CSMD2: variants seen among roughly 807,000 people sequenced by gnomAD.
CSMD2 encodes CUB and Sushi multiple domains 2, also known as CUB and sushi domain-containing protein 2.
Under a neutral mutation model 398.5 loss-of-function variants are expected in CSMD2, and 130 were observed. That is an observed-to-expected ratio of 0.33 (90% CI 0.28 to 0.38). The LOEUF (loss-of-function observed/expected upper bound fraction) is 0.38, where lower values mean the gene tolerates loss of function less well. Among genes scored for constraint, CSMD2 ranks in the 10% least tolerant of loss-of-function variants. The pLI, the probability that CSMD2 is intolerant of heterozygous loss-of-function variation, is 1.00. For synonymous variants in CSMD2, 1,828 were observed against 1,908.5 expected (o/e 0.96, Z 1.10); for missense variants, 3,829 against 4,764.9 (o/e 0.80, Z 5.78).
chr1:33,741,447 C>T (rs1307265193), intron 14 of CSMD2, among the ~76,000 whole-genome samples: 1 of 152,100 alleles, frequency 6.6e-6, no homozygotes, highest in South Asian at 2.1e-4. Context: ...GGGCCCCATC[C>T]CTTTAGTGAT....
At chr1:33,938,553 C>G (rs974732360) in intron 3 of CSMD2, among the ~76,000 whole-genome samples, 5 of 151,584 alleles carry the variant, frequency 3.3e-5, no homozygotes, top group African/African-American at 9.7e-5. Context: ...CTTAGCATTT[C>G]CCATGATCCC....
At chr1:33,954,634 C>T (rs1030317038) in intron 3 of CSMD2, among the ~76,000 whole-genome samples, 4 of 152,154 alleles carry the variant, frequency 2.6e-5, no homozygotes, top group East Asian at 1.9e-4. Flanking sequence ...TGACAAAAGA[C>T]GGGAATTCTG....
chr1:33,825,001 G>A (rs757417390), intron 7 of CSMD2, among the ~76,000 whole-genome samples: 4 of 152,144 alleles, frequency 2.6e-5, no homozygotes, highest in Non-Finnish European at 4.4e-5. Context: ...CTGGGCTTCA[G>A]CTCAAAAGCC....
intron 1 of CSMD2, among the ~76,000 whole-genome samples, chr1:34,092,356 A>G (rs1658669160): frequency 1.3e-5 from 2 of 152,246 alleles, no homozygotes; most frequent in African/African-American, 2.4e-5. Flanking sequence ...TAAGTTTGGT[A>G]AAATGATACC....
At chr1:33,929,432 CTTTTT>C (rs936900076) in intron 4 of CSMD2, among the ~76,000 whole-genome samples, 1,542 of 100,624 alleles carry the variant, frequency 0.015, 43 homozygotes, top group African/African-American at 0.065. Context: ...CAAGCCTATA[CTTTTT>C]TTTTTTTTTT....
At chr1:33,888,788 G>GTTGTTGTT (rs1228902880) in intron 5 of CSMD2, among the ~76,000 whole-genome samples, 706 of 53,690 alleles carry the variant, frequency 0.013, 4 homozygotes, top group Middle Eastern at 0.024. Context: ...TTGTTGTTGA[G>GTTGTTGTT]ATGGAGTCTC....
At position 33,835,862 on chromosome 1, in the gene CSMD2, T is replaced by C. The variant is rs184480959; in HGVS notation, c.1034-10088A>G. ...TCATCTGAAGCCTTCTTCTCTTAAC[T>C]CGTCAAAGTCATTCTCTGTCCAGCT... is the stretch of plus-strand genomic sequence containing the variant. On this transcript the variant is annotated intron_variant, in intron 6 of 70. Transcript: ENST00000373381. Among the ~76,000 whole-genome samples, 415 of 152,284 alleles carry C rather than the reference T, an allele frequency of 2.7e-3. 9 individuals are homozygous for C. In the East Asian group the frequency reaches 0.032, roughly 12 times the overall value.
chr1:33,864,371 T>C, intron 5 of CSMD2: 1 of 1,614,056 alleles, frequency 6.2e-7, no homozygotes, highest in Non-Finnish European at 8.5e-7. Flanking sequence ...AGGCCAAATA[T>C]GAAGCCCTGG....
intron 44 of CSMD2, among the ~76,000 whole-genome samples, chr1:33,589,137 T>C (rs1402802713): frequency 6.6e-6 from 1 of 152,196 alleles, no homozygotes; most frequent in African/African-American, 2.4e-5. Context: ...TAAGAGGCAC[T>C]CTTGAGGTAA....
intron 3 of CSMD2, among the ~76,000 whole-genome samples, chr1:33,976,365 C>T (rs1333660391): frequency 1.3e-5 from 2 of 152,210 alleles, no homozygotes; most frequent in Non-Finnish European, 2.9e-5. Flanking sequence ...CAGAACCCAC[C>T]TGGGGATTCC....
chr1:33,562,830 G>A (rs1493995), intron 53 of CSMD2, among the ~76,000 whole-genome samples: 11,604 of 152,258 alleles, frequency 0.076, 491 homozygotes, highest in Middle Eastern at 0.11. Flanking sequence ...GAGGGAATTC[G>A]GCTAGCAGCC....
chr1:34,049,570 T>C (rs1461852888), intron 2 of CSMD2, among the ~76,000 whole-genome samples: 1 of 152,154 alleles, frequency 6.6e-6, no homozygotes, highest in Non-Finnish European at 1.5e-5. Flanking sequence ...AGTGACATAC[T>C]GTAAAACAGG....
At chr1:33,784,983 T>C (rs1253624360) in intron 12 of CSMD2, among the ~76,000 whole-genome samples, 4 of 152,160 alleles carry the variant, frequency 2.6e-5, no homozygotes, top group African/African-American at 9.7e-5. Flanking sequence ...TCTGTGCTAT[T>C]TTCTAGAATC....
chr1:34,085,207 C>A (rs1215745507), intron 2 of CSMD2, among the ~76,000 whole-genome samples: 1 of 151,740 alleles, frequency 6.6e-6, no homozygotes, highest in African/African-American at 2.4e-5. Flanking sequence ...AGGAAGGGGA[C>A]CATCACACAC....
intron 5 of CSMD2, among the ~76,000 whole-genome samples, chr1:33,848,918 C>A (rs16835990): frequency 4.0e-5 from 6 of 149,906 alleles, no homozygotes; most frequent in African/African-American, 1.5e-4. Flanking sequence ...CTGAATAATT[C>A]AGGACCAAAA....
chr1:34,102,992 C>T (rs1008190452), intron 1 of CSMD2, among the ~76,000 whole-genome samples: 10 of 152,132 alleles, frequency 6.6e-5, no homozygotes, highest in East Asian at 1.9e-4. Flanking sequence ...ATCTCTAGCT[C>T]GCAGACCTGA....
At chr1:34,102,748 T>C (rs1455264234) in intron 1 of CSMD2, among the ~76,000 whole-genome samples, 1 of 152,186 alleles carries the variant, frequency 6.6e-6, no homozygotes, top group South Asian at 2.1e-4. Flanking sequence ...GTTTCCCCAG[T>C]AGCCATGGGA....
rs532476488 is a variant in CSMD2, at chr1:33,705,850, T to G, written c.3576+3239A>C. Among the ~76,000 whole-genome samples, 10 of 152,150 alleles carry G rather than the reference T, an allele frequency of 6.6e-5. No homozygotes were observed. The South Asian group carries it at 2.1e-3, about 32-fold the overall frequency. On this transcript the variant is annotated intron_variant, in intron 22 of 70. Transcript: ENST00000373381. The stretch of plus-strand genomic sequence containing the variant: ...ATAATCTCTCCTATATCTTTGATTA[T>G]GTCCCTTTTCAATTCCTAATATTAC...
chr1:33,862,966 A>T (rs1404341727), intron 5 of CSMD2: 1 of 152,210 alleles, frequency 6.6e-6, no homozygotes, highest in African/African-American at 2.4e-5. Flanking sequence ...AGCTGCTGAG[A>T]CCACATATCT....
Sources: gnomAD v4.1 joint callset for allele counts (sites outside exome capture counted in the v4.1 genomes callset) on GRCh38, gnomAD v4.1.1 for gene constraint, MANE v1.5 for transcripts, NCBI Gene and HGNC (gene_info 2026-07-23, HGNC 2026-07-21) for gene names.